The following TTC23 variants were observed in gnomAD, a reference collection of about 807,000 sequenced individuals.
TTC23 encodes the protein tetratricopeptide repeat domain 23, also known as tetratricopeptide repeat protein 23.
Under a neutral mutation model 55.1 loss-of-function variants are expected in TTC23, and 58 were observed. The observed-to-expected ratio is 1.05, with a 90% confidence interval of 0.85 to 1.31. TTC23 has a LOEUF of 1.31. Ranked by LOEUF, TTC23 falls within the 50% of genes most tolerant of loss-of-function variation. The probability of loss-of-function intolerance (pLI) is 0.00; values close to 1 mark genes in which losing one functional copy is unlikely to be tolerated. For missense variants in TTC23, 516 were observed against 534.4 expected, an observed-to-expected ratio of 0.97 and a Z score of 0.34; for synonymous variants, 203 against 199.9, an observed-to-expected ratio of 1.02 and a Z score of -0.13.
In TTC23 at chr15:99,199,247, TA is replaced by T. The variant is rs563863790; in HGVS notation, c.759+671del. On this transcript the variant is annotated intron_variant, in intron 9 of 13. Coordinates refer to ENST00000394132, the MANE Select transcript of TTC23 (RefSeq NM_001288615.3). ...GAGTTTCCCCTGTGGATTCCAGACTTAACAGCCCCTTAATTGCATGGGTCAG... is the reference window on the plus strand; with the variant it reads ...GAGTTTCCCCTGTGGATTCCAGACTTACAGCCCCTTAATTGCATGGGTCAG... Among the ~76,000 whole-genome samples, 6 of 152,108 alleles carry T rather than the reference TA, an allele frequency of 3.9e-5. No individual in the cohort carries two copies. The South Asian group carries it at 1.2e-3, about 32-fold the overall frequency.
intron 10 of TTC23, among the ~76,000 whole-genome samples, chr15:99,165,844 T>C (rs2071998126): frequency 6.6e-6 from 1 of 152,222 alleles, no homozygotes; most frequent in Non-Finnish European, 1.5e-5. Flanking sequence ...TTAATTTTAT[T>C]GATTATAAAA....
chr15:99,169,273 G>A (rs919082445), intron 10 of TTC23, among the ~76,000 whole-genome samples: 3 of 152,294 alleles, frequency 2.0e-5, no homozygotes, highest in East Asian at 1.9e-4. Flanking sequence ...CTCTCAGAGC[G>A]CACAGGGGCC....
chr15:99,237,897 C>A (rs1160381222), intron 3 of TTC23, among the ~76,000 whole-genome samples: 1 of 152,172 alleles, frequency 6.6e-6, no homozygotes, highest in South Asian at 2.1e-4. Flanking sequence ...CCTCTTCAAA[C>A]TCCAATTCCA....
chr15:99,227,754 C>T (rs966134383), intron 5 of TTC23, among the ~76,000 whole-genome samples: 1 of 152,222 alleles, frequency 6.6e-6, no homozygotes, highest in Admixed American at 6.5e-5. Flanking sequence ...AGACCATTGG[C>T]TCTTGTCCAT....
chr15:99,169,212 T>C (rs1011467173), intron 10 of TTC23, among the ~76,000 whole-genome samples: 2 of 152,158 alleles, frequency 1.3e-5, no homozygotes, highest in Non-Finnish European at 1.5e-5. Flanking sequence ...CTCAGGCTGG[T>C]TGGGCATTTT....
chr15:99,173,162 G>A (rs918109977), intron 10 of TTC23, among the ~76,000 whole-genome samples: 12 of 152,242 alleles, frequency 7.9e-5, no homozygotes, highest in Non-Finnish European at 1.8e-4. Flanking sequence ...GCCAGTTTAC[G>A]CCCCCAAGGA....
At chr15:99,213,297 G>C in intron 8 of TTC23, among the ~76,000 whole-genome samples, 1 of 152,162 alleles carries the variant, frequency 6.6e-6, no homozygotes. Flanking sequence ...GAAACAACTT[G>C]GCTAAACACA....
intron 3 of TTC23, among the ~76,000 whole-genome samples, chr15:99,239,500 A>G (rs1466272971): frequency 6.6e-6 from 1 of 152,116 alleles, no homozygotes; most frequent in Non-Finnish European, 1.5e-5. Flanking sequence ...AAATAAAAAT[A>G]AATAAAAAAT....
intron 5 of TTC23, among the ~76,000 whole-genome samples, chr15:99,222,203 A>G (rs1016404647): frequency 2.0e-5 from 3 of 152,222 alleles, no homozygotes; most frequent in Non-Finnish European, 4.4e-5. Flanking sequence ...ATGAACAGCT[A>G]CTACATATGC....
chr15:99,197,277 T>A (rs560775761), intron 9 of TTC23, among the ~76,000 whole-genome samples: 2 of 152,114 alleles, frequency 1.3e-5, no homozygotes, highest in Admixed American at 1.3e-4. Flanking sequence ...TAATTTTTTG[T>A]ATTGTTAGTA....
intron 12 of TTC23, among the ~76,000 whole-genome samples, chr15:99,149,000 C>G (rs1045839918): frequency 5.3e-5 from 8 of 152,144 alleles, no homozygotes; most frequent in African/African-American, 1.7e-4. Context: ...CTGGAAAAGC[C>G]ACTGTTCAGT....
rs1418714649 is a variant in TTC23 at position 99,137,029 on chromosome 15, A to G, written c.*981T>C. ...TGCTGCAATCTGCTGTCATAGCACC[A>G]GCCTGCAGCCTCATGGCCACAGTCT... is the stretch of plus-strand genomic sequence containing the variant. On this transcript the variant is annotated 3_prime_UTR_variant, in exon 14 of 14. Transcript: ENST00000394132. 2 of 152,300 alleles carry G rather than the reference A, an allele frequency of 1.3e-5. No homozygotes were observed. Among genetic ancestry groups the G allele is most frequent in the African/African-American group, 4.8e-5 (2 of 41,446 alleles). 9.4% of individuals were successfully genotyped at this position (152,300 alleles called of 1,614,324 possible).
At chr15:99,236,469 T>C (rs2079327244) in intron 3 of TTC23, among the ~76,000 whole-genome samples, 1 of 145,572 alleles carries the variant, frequency 6.9e-6, no homozygotes, top group South Asian at 2.1e-4. Context: ...TTTTCTCACT[T>C]TTTTTTTTTT....
chr15:99,205,683 T>A (rs948842367), intron 8 of TTC23, among the ~76,000 whole-genome samples: 1 of 152,164 alleles, frequency 6.6e-6, no homozygotes, highest in Non-Finnish European at 1.5e-5. Flanking sequence ...ACTGAATTTG[T>A]TGATCAGTTC....
chr15:99,246,273 T>C (rs1035514730), intron 1 of TTC23, among the ~76,000 whole-genome samples: 13 of 152,258 alleles, frequency 8.5e-5, no homozygotes, highest in African/African-American at 2.9e-4. Flanking sequence ...TTGTAAATCA[T>C]TAATCTGATA....
intron 10 of TTC23, among the ~76,000 whole-genome samples, chr15:99,164,166 C>T (rs1285948101): frequency 1.3e-5 from 2 of 152,194 alleles, no homozygotes; most frequent in Non-Finnish European, 2.9e-5. Context: ...GGCTCTAGCA[C>T]AGGGGTTGGC....
intron 10 of TTC23, among the ~76,000 whole-genome samples, chr15:99,170,348 G>GC (rs1473161173): frequency 6.6e-6 from 1 of 152,102 alleles, no homozygotes; most frequent in Admixed American, 6.5e-5. Context: ...ACGCAAGCAG[G>GC]CAGGCTACAG....
chr15:99,150,401 G>C (rs1670214), intron 12 of TTC23, among the ~76,000 whole-genome samples: 5 of 152,124 alleles, frequency 3.3e-5, no homozygotes, highest in Admixed American at 6.5e-5. Flanking sequence ...TTAGAGCAAG[G>C]CTCAAAAAAT....
At chr15:99,197,068 C>G (rs2075779232) in intron 9 of TTC23, among the ~76,000 whole-genome samples, 1 of 152,072 alleles carries the variant, frequency 6.6e-6, no homozygotes, top group African/African-American at 2.4e-5. Flanking sequence ...TTTTTGCTCC[C>G]TCATATCTCA....
Sources: allele counts gnomAD v4.1 joint callset (sites outside exome capture counted in the v4.1 genomes callset), GRCh38; gene constraint gnomAD v4.1.1; transcripts MANE v1.5; gene names NCBI Gene and HGNC (gene_info 2026-07-23, HGNC 2026-07-21).